Variants in MPDZ observed in about 807,000 individuals in gnomAD.
The protein encoded by MPDZ is multiple PDZ domain crumbs cell polarity complex component.
Under a neutral mutation model 239.1 loss-of-function variants are expected in MPDZ, and 234 were observed. The ratio of observed to expected loss-of-function variants is 0.98; its 90% CI spans 0.88 to 1.09. The LOEUF is 1.09. Ranked by LOEUF, MPDZ falls within the 50% of genes least tolerant of loss-of-function variation. MPDZ has a pLI of 0.00. For missense variants in MPDZ, 3,175 were observed against 2,510.0 expected, an observed-to-expected ratio of 1.26 and a Z score of -5.66; for synonymous variants, 1,048 against 881.3, an observed-to-expected ratio of 1.19 and a Z score of -3.35.
intron 28 of MPDZ, among the ~76,000 whole-genome samples, chr9:13,139,320 A>G (rs1947301213): frequency 1.3e-5 from 2 of 152,218 alleles, no homozygotes; most frequent in Admixed American, 6.5e-5. Context: ...TTTGGGCTAA[A>G]TTTTAAATAT....
chr9:13,115,720 T>A (rs559546917), intron 39 of MPDZ, among the ~76,000 whole-genome samples: 1 of 151,326 alleles, frequency 6.6e-6, no homozygotes, highest in Non-Finnish European at 1.5e-5. Context: ...CCGAGGCGGG[T>A]GGATCACGAG....
chr9:13,245,696 AAAT>A (rs779723938), intron 3 of MPDZ, among the ~76,000 whole-genome samples: 17 of 152,342 alleles, frequency 1.1e-4, no homozygotes, highest in Middle Eastern at 3.4e-3. Flanking sequence ...TCTATCAACA[AAAT>A]AATAAGATAA....
chr9:13,193,124 C>A, intron 14 of MPDZ, 43 bp downstream of exon 14: 1 of 1,419,928 alleles, frequency 7.0e-7, no homozygotes, highest in Non-Finnish European at 9.3e-7. Context: ...CAAGCTTTTC[C>A]ATGTCTTATT....
intron 32 of MPDZ, 39 bp from the exon 33 acceptor site, chr9:13,126,811 A>T: frequency 1.0e-5 from 16 of 1,545,632 alleles, no homozygotes; most frequent in Non-Finnish European, 1.4e-5. Flanking sequence ...AAGACTTGAA[A>T]CAGATTAATT....
At chr9:13,222,703 T>G (rs1372416334) in intron 5 of MPDZ, among the ~76,000 whole-genome samples, 1 of 152,130 alleles carries the variant, frequency 6.6e-6, no homozygotes, top group African/African-American at 2.4e-5. Flanking sequence ...CTACTCAGCC[T>G]ACATTACATC....
intron 1 of MPDZ, among the ~76,000 whole-genome samples, chr9:13,260,168 T>A (rs1375086488): frequency 6.6e-6 from 1 of 151,972 alleles, no homozygotes; most frequent in African/African-American, 2.4e-5. Context: ...TAATTAGAAG[T>A]TTATTTTGGC....
At chr9:13,213,561 A>T (rs1478232612) in intron 10 of MPDZ, among the ~76,000 whole-genome samples, 1 of 152,082 alleles carries the variant, frequency 6.6e-6, no homozygotes, top group Non-Finnish European at 1.5e-5. Flanking sequence ...TATTTAGTAA[A>T]AAATTAATAC....
chr9:13,173,745 A>G (rs888830677), intron 21 of MPDZ, among the ~76,000 whole-genome samples: 1 of 151,976 alleles, frequency 6.6e-6, no homozygotes. Context: ...AAATAGCCAG[A>G]TTGCAAAATC....
In MPDZ at chr9:13,155,074, G is replaced by GTCTCA. The variant is rs1554666755; in HGVS notation, c.3452+2943_3452+2944insTGAGA. On this transcript the variant is annotated intron_variant, in intron 24 of 46. Transcript: ENST00000319217. ...TTTACTAAAAATACAAAAATTAGCT[G>GTCTCA]GGCATGGTGGTGCGCACCTGTAGTC... 3.9e-4 allele frequency among the ~76,000 whole-genome samples: 59 copies of GTCTCA among 151,874 alleles called. 1 individual carries two copies. In the South Asian group the frequency reaches 4.5e-3, roughly 12 times the overall value.
At chr9:13,147,424 A>G in intron 26 of MPDZ, 124 bp downstream of exon 26, 2 of 677,412 alleles carry the variant, frequency 3.0e-6, no homozygotes, top group Non-Finnish European at 5.1e-6. Context: ...CAAACTTCTA[A>G]CAAGTCTCCT....
rs757970149 is a variant in MPDZ, at chr9:13,110,746, A to T, written c.5725-6T>A. 19 of 1,608,118 alleles carry T rather than the reference A, an allele frequency of 1.2e-5. No homozygotes were observed. The South Asian group carries it at 2.1e-4, about 18-fold the overall frequency. On this transcript the variant is annotated splice_region_variant and splice_polypyrimidine_tract_variant and intron_variant, in intron 43 of 46. Coordinates refer to ENST00000319217, the MANE Select transcript of MPDZ (RefSeq NM_001378778.1). ...GTGACAATCCTATCCCCAACCTGCA[A>T]GGGAGAGAAAGAAACAGCCATCTGC... is the stretch of plus-strand genomic sequence containing the variant.
At chr9:13,125,650 T>G (rs755103633) in intron 34 of MPDZ, among the ~76,000 whole-genome samples, 7 of 152,176 alleles carry the variant, frequency 4.6e-5, no homozygotes, top group Non-Finnish European at 8.8e-5. Flanking sequence ...TTTTCTTATA[T>G]AAGACTTTCA....
At chr9:13,276,770 A>G (rs909677560) in intron 1 of MPDZ, 1 of 152,174 alleles carries the variant, frequency 6.6e-6, no homozygotes, top group African/African-American at 2.4e-5. Context: ...CTGCAACTCA[A>G]CCTGAGAGAG....
chr9:13,139,325 A>C (rs1029087674), intron 28 of MPDZ, among the ~76,000 whole-genome samples: 28 of 152,202 alleles, frequency 1.8e-4, no homozygotes, highest in African/African-American at 6.5e-4. Flanking sequence ...GCTAAATTTT[A>C]AATATTTTCC....
chr9:13,175,845 G>A lies in MPDZ; in HGVS notation c.2962C>T (p.Leu988=). 6.3e-7 allele frequency: 1 copy of A among 1,593,692 alleles called. No individual in the cohort carries two copies. Among genetic ancestry groups the A allele is most frequent in the Non-Finnish European group, 8.5e-7 (1 of 1,169,694 alleles). Residue 988 remains leucine (L), a synonymous_variant, in exon 21 of 47, where the codon CTG becomes TTG. Transcript: ENST00000319217. ...GSEYLLEQSS[L]ACNAECVMLQ... ...ATGACACACTCAGCATTACAGGCCAGGGAGCTCTGTTCAAGCAGGTACTCA... is the reference window on the plus strand; with the variant it reads ...ATGACACACTCAGCATTACAGGCCAAGGAGCTCTGTTCAAGCAGGTACTCA...
chr9:13,239,526 C>T (rs1392873241), intron 3 of MPDZ, among the ~76,000 whole-genome samples: 1 of 152,030 alleles, frequency 6.6e-6, no homozygotes, highest in African/African-American at 2.4e-5. Flanking sequence ...TGTACCTTTT[C>T]AATGTCATTG....
rs1393788781 is a variant in MPDZ at position 13,108,964 on chromosome 9, G to C, written c.6038C>G (p.Pro2013Arg). 13 of 1,609,810 alleles carry C rather than the reference G, an allele frequency of 8.1e-6. No individual in the cohort carries two copies. The highest frequency in any genetic ancestry group is 1.1e-5 in the Non-Finnish European group (13 of 1,177,936). ...TGCAAACACTGTTTTAACATAAATGGGTAAGTCTCCATGAGGGCTGCCATA... is the reference window on the plus strand; with the variant it reads ...TGCAAACACTGTTTTAACATAAATGCGTAAGTCTCCATGAGGGCTGCCATA... ...GGYGSPHGDL[P>R]IYVKTVFAKG... The change falls in exon 46 of 47, where the codon CCC becomes CGC. Residue 2013 changes from proline (P) to arginine (R), a missense_variant. Transcript: ENST00000319217.
rs1967568517 is a variant in MPDZ at position 13,250,229 on chromosome 9, A to T, written c.16+71T>A. On this transcript the variant is annotated intron_variant, in intron 2 of 46. Transcript: ENST00000319217. ...ACAGAATCCTGCTATGTTAAACACAACATATGTCAAAAATCCCAATGGGAG... is the reference window on the plus strand; with the variant it reads ...ACAGAATCCTGCTATGTTAAACACATCATATGTCAAAAATCCCAATGGGAG... 3.5e-6 allele frequency: 5 copies of T among 1,438,554 alleles called. No homozygotes were observed. In the South Asian group the frequency reaches 4.9e-5, roughly 14 times the overall value. The allele number at this position is 1,438,554 out of a possible 1,614,324, so 89.1% of individuals were successfully genotyped here.
intron 43 of MPDZ, 39 bp from the exon 44 acceptor site, chr9:13,110,779 G>A: frequency 6.7e-7 from 1 of 1,500,234 alleles, no homozygotes. Context: ...TGCTAAAGCA[G>A]CCATGGAGAG....
Sources: allele counts gnomAD v4.1 joint callset (sites outside exome capture counted in the v4.1 genomes callset), GRCh38; gene constraint gnomAD v4.1.1; transcripts MANE v1.5; gene names NCBI Gene and HGNC (gene_info 2026-07-23, HGNC 2026-07-21).